The following NHEJ1 variants were observed in gnomAD, a reference collection of about 807,000 sequenced individuals.
NHEJ1 encodes the protein non-homologous end-joining factor 1.
Under a neutral mutation model 39.4 loss-of-function variants are expected in NHEJ1, and 22 were observed. The observed-to-expected ratio is 0.56, with a 90% CI of 0.40 to 0.80. NHEJ1 has a LOEUF of 0.80. Ranked by LOEUF, NHEJ1 falls within the 30% of genes least tolerant of loss-of-function variation. The probability of loss-of-function intolerance (pLI) is 0.00; values close to 1 mark genes in which losing one functional copy is unlikely to be tolerated. For missense variants in NHEJ1, 329 were observed against 357.1 expected, an observed-to-expected ratio of 0.92 and a Z score of 0.63; for synonymous variants, 154 against 135.6, an observed-to-expected ratio of 1.14 and a Z score of -0.94.
At chr2:219,133,060 A>G (rs1488837482) in intron 5 of NHEJ1, among the ~76,000 whole-genome samples, 1 of 152,228 alleles carries the variant, frequency 6.6e-6, no homozygotes, top group African/African-American at 2.4e-5. Flanking sequence ...AATGAAAAAA[A>G]TTCTTCTGGG....
chr2:219,129,305 C>T (rs150504686), intron 5 of NHEJ1, among the ~76,000 whole-genome samples: 2 of 152,268 alleles, frequency 1.3e-5, no homozygotes, highest in East Asian at 1.9e-4. Flanking sequence ...ATCAAAAATC[C>T]AACACCTGGG....
At position 219,146,321 on chromosome 2, in the gene NHEJ1, C is replaced by A. The variant is rs1279741218; in HGVS notation, c.588+359G>T. On this transcript the variant is annotated intron_variant, in intron 5 of 7. Transcript: ENST00000356853. ...AAAGGGCCTAGACAAGTAATGACGCCTACCCTTCTCCTCCACAGTCCAGAC... is the reference window on the plus strand; with the variant it reads ...AAAGGGCCTAGACAAGTAATGACGCATACCCTTCTCCTCCACAGTCCAGAC... Among the ~76,000 whole-genome samples the A allele has an allele frequency of 2.0e-5, 3 of 152,196 alleles. No homozygotes were observed. The East Asian group carries it at 5.8e-4, about 29-fold the overall frequency.
chr2:219,118,269 A>G (rs987178518), intron 5 of NHEJ1, among the ~76,000 whole-genome samples: 5 of 152,096 alleles, frequency 3.3e-5, no homozygotes, highest in Admixed American at 1.3e-4. Context: ...CCAGCACCCA[A>G]TGGATTTCAT....
At chr2:219,076,962 C>T (rs1949019521) in intron 7 of NHEJ1, among the ~76,000 whole-genome samples, 1 of 152,184 alleles carries the variant, frequency 6.6e-6, no homozygotes, top group Non-Finnish European at 1.5e-5. Flanking sequence ...GGAATAGCCT[C>T]GCTGACTATC....
chr2:219,158,591 A>G (rs993098529), intron 1 of NHEJ1, among the ~76,000 whole-genome samples: 1 of 151,970 alleles, frequency 6.6e-6, no homozygotes, highest in African/African-American at 2.4e-5. Flanking sequence ...TTCCCATATT[A>G]CATTCCTAGA....
intron 5 of NHEJ1, among the ~76,000 whole-genome samples, chr2:219,092,921 C>T (rs1014072195): frequency 1.3e-5 from 2 of 152,158 alleles, no homozygotes; most frequent in Non-Finnish European, 2.9e-5. Context: ...AATTAGGTAC[C>T]AAGAGACCTC....
chr2:219,158,224 C>T lies in NHEJ1; in HGVS notation c.139G>A (p.Glu47Lys), dbSNP rs1237050535. The change falls in exon 2 of 8, where the codon GAA becomes AAA. Residue 47 changes from glutamate (E) to lysine (K), a missense_variant. Transcript: ENST00000356853. ...CTGACCACACTAGTGTCCACCTGTT[C>T]ATGCCACACCTGTTGAAGATCTGAA... is the stretch of plus-strand genomic sequence containing the variant. ...LVSDLQQVWH[E>K]QVDTSVVSQR... is the part of the protein sequence containing the mutation. 1 of 1,614,216 alleles carries T rather than the reference C, an allele frequency of 6.2e-7. No individual in the cohort carries two copies.
intron 5 of NHEJ1, among the ~76,000 whole-genome samples, chr2:219,107,286 A>G (rs1260442281): frequency 6.6e-6 from 1 of 152,204 alleles, no homozygotes; most frequent in Non-Finnish European, 1.5e-5. Flanking sequence ...CTGAAGAGGA[A>G]AAATAGAAAT....
intron 5 of NHEJ1, among the ~76,000 whole-genome samples, chr2:219,141,235 C>A (rs1949688302): frequency 1.3e-5 from 2 of 152,052 alleles, no homozygotes; most frequent in African/African-American, 4.8e-5. Context: ...CAAAAATTAG[C>A]TGGGCGTGGT....
intron 3 of NHEJ1, among the ~76,000 whole-genome samples, chr2:219,154,504 A>G (rs1559204402): frequency 6.6e-6 from 1 of 152,174 alleles, no homozygotes; most frequent in Non-Finnish European, 1.5e-5. Context: ...GAAAACGATC[A>G]CAAGAATGAG....
chr2:219,130,148 T>C (rs1949564750), intron 5 of NHEJ1, among the ~76,000 whole-genome samples: 1 of 152,080 alleles, frequency 6.6e-6, no homozygotes, highest in African/African-American at 2.4e-5. Flanking sequence ...ATGCATCTCA[T>C]TAGCGTGTCC....
At chr2:219,110,909 C>G (rs1167225738) in intron 5 of NHEJ1, among the ~76,000 whole-genome samples, 1 of 152,126 alleles carries the variant, frequency 6.6e-6, no homozygotes, top group Non-Finnish European at 1.5e-5. Context: ...GGAGTCTGGG[C>G]TGACTGCATG....
At chr2:219,097,384 G>A (rs1949218164) in intron 5 of NHEJ1, among the ~76,000 whole-genome samples, 1 of 152,134 alleles carries the variant, frequency 6.6e-6, no homozygotes, top group African/African-American at 2.4e-5. Context: ...TTTGAAAGAA[G>A]GGCCAATAGA....
At chr2:219,118,345 C>T (rs1286529694) in intron 5 of NHEJ1, among the ~76,000 whole-genome samples, 2 of 152,142 alleles carry the variant, frequency 1.3e-5, no homozygotes, top group African/African-American at 4.8e-5. Context: ...GGGTTCATAC[C>T]TTCCTGAACT....
At chr2:219,132,642 T>C (rs922810524) in intron 5 of NHEJ1, among the ~76,000 whole-genome samples, 3 of 152,178 alleles carry the variant, frequency 2.0e-5, no homozygotes, top group Non-Finnish European at 4.4e-5. Context: ...GAAAGCCCCT[T>C]AGATTGTGTA....
rs1369981821 is a variant in NHEJ1 at position 219,070,923 on chromosome 2, AATT to A, written c.*5455_*5457del. 1.3e-5 allele frequency among the ~76,000 whole-genome samples: 2 copies of A among 152,288 alleles called. No individual in the cohort carries two copies. The highest frequency in any genetic ancestry group is 4.2e-4 in the South Asian group (2 of 4,818). ...GCTGTTATCTATGAAACAAAATCTA[AATT>A]ATTACCAGCTCTGCCTTCCACAACT... On this transcript the variant is annotated 3_prime_UTR_variant, in exon 8 of 8. Transcript: ENST00000356853.
chr2:219,094,880 T>A (rs1038666635), intron 5 of NHEJ1, among the ~76,000 whole-genome samples: 1 of 152,126 alleles, frequency 6.6e-6, no homozygotes, highest in Non-Finnish European at 1.5e-5. Context: ...AAATCTAGGC[T>A]CTGGTTACAG....
intron 5 of NHEJ1, among the ~76,000 whole-genome samples, chr2:219,091,919 G>A (rs1437323855): frequency 2.0e-5 from 3 of 152,154 alleles, no homozygotes; most frequent in Non-Finnish European, 4.4e-5. Context: ...CCGGGACAAA[G>A]TTTCAAGCCA....
intron 5 of NHEJ1, among the ~76,000 whole-genome samples, chr2:219,117,358 C>T (rs1426357693): frequency 6.6e-6 from 1 of 152,308 alleles, no homozygotes; most frequent in African/African-American, 2.4e-5. Flanking sequence ...AGACTGATGT[C>T]TCTAAGCCAG....
Sources: allele counts gnomAD v4.1 joint callset (sites outside exome capture counted in the v4.1 genomes callset), GRCh38; gene constraint gnomAD v4.1.1; transcripts MANE v1.5; gene names NCBI Gene and HGNC (gene_info 2026-07-23, HGNC 2026-07-21).